Variants in SND1 observed in about 807,000 individuals in gnomAD.
SND1 encodes the protein staphylococcal nuclease and tudor domain containing 1, also known as staphylococcal nuclease domain-containing protein 1.
Under a neutral mutation model 121.7 loss-of-function variants are expected in SND1, and 38 were observed. The observed-to-expected ratio is 0.31, with a 90% CI of 0.24 to 0.41. SND1 has a LOEUF of 0.41. SND1 is among the 10% of genes least tolerant of loss of function. The probability of loss-of-function intolerance (pLI) is 1.00; values close to 1 mark genes in which losing one functional copy is unlikely to be tolerated. For synonymous variants in SND1, 401 were observed against 447.4 expected, an observed-to-expected ratio of 0.90 and a Z score of 1.31; for missense variants, 868 against 1,184.6, an observed-to-expected ratio of 0.73 and a Z score of 3.92.
chr7:128,072,011 G>T (rs989114381), intron 16 of SND1, among the ~76,000 whole-genome samples: 4 of 152,212 alleles, frequency 2.6e-5, no homozygotes, highest in African/African-American at 7.2e-5. Context: ...GGAGAGCCCG[G>T]CTGCACCCTG....
chr7:127,981,875 T>C (rs1024844963), intron 15 of SND1, among the ~76,000 whole-genome samples: 3 of 152,206 alleles, frequency 2.0e-5, no homozygotes, highest in Admixed American at 6.5e-5. Context: ...CTAGAATTCC[T>C]CATCAATACT....
intron 12 of SND1, chr7:127,858,217 C>G: frequency 2.6e-6 from 2 of 782,332 alleles, no homozygotes; most frequent in South Asian, 1.4e-5. Flanking sequence ...CCCTCGTTTC[C>G]TGGTACATGC....
intron 1 of SND1, among the ~76,000 whole-genome samples, chr7:127,654,529 A>G (rs1795179041): frequency 6.6e-6 from 1 of 152,194 alleles, no homozygotes. Flanking sequence ...GTGATGCATA[A>G]CCACAAATTG....
At chr7:127,840,127 C>T (rs1446941853) in intron 11 of SND1, among the ~76,000 whole-genome samples, 2 of 152,206 alleles carry the variant, frequency 1.3e-5, no homozygotes, top group East Asian at 3.8e-4. Context: ...ACATGGTCTC[C>T]CCACTCTTGG....
At chr7:128,079,113 G>A (rs1793556325) in intron 17 of SND1, among the ~76,000 whole-genome samples, 1 of 152,256 alleles carries the variant, frequency 6.6e-6, no homozygotes, top group Non-Finnish European at 1.5e-5. Flanking sequence ...CGTCCCAGAA[G>A]GGCTGGGAGC....
intron 14 of SND1, among the ~76,000 whole-genome samples, chr7:127,922,308 G>A (rs1040756173): frequency 3.4e-5 from 5 of 149,142 alleles, no homozygotes; most frequent in East Asian, 4.1e-4. Context: ...TGAGGCCACC[G>A]TGCCTGGCTC....
chr7:127,689,313 A>T (rs1302352390), intron 2 of SND1, among the ~76,000 whole-genome samples: 1 of 152,242 alleles, frequency 6.6e-6, no homozygotes, highest in Non-Finnish European at 1.5e-5. Flanking sequence ...GGGCATTAAC[A>T]AATGGGTGAA....
intron 12 of SND1, among the ~76,000 whole-genome samples, chr7:127,862,342 C>T (rs971578510): frequency 2.6e-5 from 4 of 152,326 alleles, no homozygotes; most frequent in South Asian, 2.1e-4. Flanking sequence ...CTTAATATGT[C>T]TCTAAGAGGT....
intron 15 of SND1, among the ~76,000 whole-genome samples, chr7:127,963,394 T>A (rs908470824): frequency 1.4e-5 from 2 of 138,096 alleles, no homozygotes; most frequent in African/African-American, 5.5e-5. Context: ...CCCAATGCTA[T>A]CCCTCCCCCC....
intron 11 of SND1, among the ~76,000 whole-genome samples, chr7:127,811,410 G>T (rs1298662329): frequency 1.3e-5 from 2 of 152,174 alleles, no homozygotes; most frequent in African/African-American, 4.8e-5. Context: ...CTAATCTCTT[G>T]ATCTTCTGGT....
intron 16 of SND1, among the ~76,000 whole-genome samples, chr7:128,012,690 C>G (rs545568410): frequency 1.3e-5 from 2 of 152,116 alleles, no homozygotes; most frequent in East Asian, 3.9e-4. Context: ...TGCAGCCAAC[C>G]TAAATGGAGC....
Position 128,015,797 on chromosome 7 carries a change from G to A in SND1, c.1779+24741G>A, listed in dbSNP as rs561552471. ...GCAGCAGAAATTTGGAGCTGTACAG[G>A]AATCAGATGTCCCACCTAGCAGGCT... On this transcript the variant is annotated intron_variant, in intron 16 of 23. Coordinates refer to ENST00000354725, the MANE Select transcript of SND1 (RefSeq NM_014390.4). This position sits in a 1 kb window ranked among gnomAD's most constrained non-coding sequence, Gnocchi z 4.5. Among the ~76,000 whole-genome samples the A allele has an allele frequency of 6.6e-6, 1 of 152,262 alleles. No individual in the cohort carries two copies. The highest frequency in any genetic ancestry group is 6.5e-5 in the Admixed American group (1 of 15,298).
Position 128,030,897 on chromosome 7 carries a change from G to A in SND1, c.1779+39841G>A, listed in dbSNP as rs1792571462. 7.6e-6 allele frequency: 3 copies of A among 394,298 alleles called. No homozygotes were observed. In the South Asian group the frequency reaches 1.8e-4, roughly 24 times the overall value. The allele number at this position is 394,298 out of a possible 1,614,324, so 24.4% of individuals were successfully genotyped here. A position where few individuals can be genotyped will look rare whatever the true frequency, so the allele number is the denominator to read the frequency against. On this transcript the variant is annotated intron_variant, in intron 16 of 23. Coordinates refer to ENST00000354725, the MANE Select transcript of SND1 (RefSeq NM_014390.4). ...CCCACACTGCAACCGTCCCCACCCA[G>A]TTCGCCGTCACCTACCTCGGAAGGA...
chr7:127,924,023 A>G (rs1800780540), intron 14 of SND1, among the ~76,000 whole-genome samples: 1 of 151,386 alleles, frequency 6.6e-6, no homozygotes, highest in South Asian at 2.1e-4. Flanking sequence ...CTTGTTCACA[A>G]GGATTTTGCT....
chr7:127,837,368 G>T (rs1030973791), intron 11 of SND1, among the ~76,000 whole-genome samples: 1 of 152,062 alleles, frequency 6.6e-6, no homozygotes, highest in African/African-American at 2.4e-5. Context: ...ATATTGACAC[G>T]ATGTTTTAGA....
chr7:127,855,014 CTT>C (rs747304631), intron 12 of SND1, among the ~76,000 whole-genome samples: 6 of 136,224 alleles, frequency 4.4e-5, no homozygotes, highest in Admixed American at 1.5e-4. Context: ...GTGCTGAGTG[CTT>C]TTTTTTTTTT....
intron 15 of SND1, among the ~76,000 whole-genome samples, chr7:127,934,857 C>T (rs1449980260): frequency 2.6e-5 from 4 of 152,146 alleles, no homozygotes; most frequent in Non-Finnish European, 4.4e-5. Context: ...GCCTAGAGGA[C>T]AGGTTTACAA....
chr7:127,929,174 CT>C lies in SND1; in HGVS notation c.1528-10del. 1 of 1,613,488 alleles carries C rather than the reference CT, an allele frequency of 6.2e-7. No individual in the cohort carries two copies. Among genetic ancestry groups the C allele is most frequent in the Admixed American group, 1.7e-5 (1 of 59,930 alleles). On this transcript the variant is annotated splice_polypyrimidine_tract_variant and intron_variant, in intron 14 of 23. Transcript: ENST00000354725. ...ATTACTTTCCAGTTACTCTTTTCCTCTTTTCTCCATCAGGATACCCAAAAAG... is the reference window on the plus strand; with the variant it reads ...ATTACTTTCCAGTTACTCTTTTCCTCTTTCTCCATCAGGATACCCAAAAAG...
At chr7:127,884,317 ATATC>A (rs1013186000) in intron 12 of SND1, among the ~76,000 whole-genome samples, 3 of 152,062 alleles carry the variant, frequency 2.0e-5, no homozygotes, top group Admixed American at 2.0e-4. Context: ...AAATCTATCT[ATATC>A]TATTGAAAAC....
Sources: allele counts gnomAD v4.1 joint callset (sites outside exome capture counted in the v4.1 genomes callset), GRCh38; gene constraint gnomAD v4.1.1; non-coding constraint Gnocchi (gnomAD v3.1); transcripts MANE v1.5; gene names NCBI Gene and HGNC (gene_info 2026-07-23, HGNC 2026-07-21).